Variants in RCAN2 observed in about 807,000 individuals in gnomAD.
RCAN2 encodes regulator of calcineurin 2.
A neutral mutation model predicts 23.6 loss-of-function variants in RCAN2; 9 were observed. The observed-to-expected ratio is 0.38, with a 90% CI of 0.23 to 0.67. RCAN2 has a LOEUF of 0.67. Among genes scored for constraint, RCAN2 ranks in the 30% least tolerant of loss-of-function variants. The pLI, the probability that RCAN2 is intolerant of heterozygous loss-of-function variation, is 0.51. For missense variants in RCAN2, 273 were observed against 302.3 expected, an observed-to-expected ratio of 0.90 and a Z score of 0.72; for synonymous variants, 109 against 115.7, an observed-to-expected ratio of 0.94 and a Z score of 0.37.
At chr6:46,323,603 A>G (rs9472739) in intron 2 of RCAN2, among the ~76,000 whole-genome samples, 5,718 of 152,262 alleles carry the variant, frequency 0.038, 354 homozygotes, top group African/African-American at 0.13. Flanking sequence ...GAATTGACTC[A>G]CTAGACTGCA....
intron 2 of RCAN2, among the ~76,000 whole-genome samples, chr6:46,332,462 C>T (rs571252881): frequency 1.7e-5 from 2 of 119,556 alleles, no homozygotes; most frequent in Admixed American, 1.8e-4. Context: ...CTCCCCCCTC[C>T]CCCCACCCCA....
intron 1 of RCAN2, 123 bp downstream of exon 1, chr6:46,491,050 A>G (rs1769129187): frequency 6.9e-6 from 1 of 144,988 alleles, no homozygotes; most frequent in African/African-American, 2.6e-5. Context: ...CCCGCCCTGC[A>G]CCCAGACCCG....
At chr6:46,400,381 AG>A (rs1766214552) in intron 2 of RCAN2, among the ~76,000 whole-genome samples, 1 of 152,192 alleles carries the variant, frequency 6.6e-6, no homozygotes, top group Admixed American at 6.5e-5. Flanking sequence ...TTAGAAGCGA[AG>A]GCAGACCAGC....
chr6:46,287,915 G>A (rs977913458), intron 2 of RCAN2, among the ~76,000 whole-genome samples: 1 of 152,202 alleles, frequency 6.6e-6, no homozygotes. Flanking sequence ...AATTTGAAAA[G>A]TTACTCATAT....
intron 2 of RCAN2, among the ~76,000 whole-genome samples, chr6:46,267,439 G>A (rs1767373574): frequency 6.6e-6 from 1 of 152,174 alleles, no homozygotes; most frequent in South Asian, 2.1e-4. Flanking sequence ...CCAGCACTCT[G>A]GGAGGCCAAG....
In RCAN2 at chr6:46,456,796, CA is replaced by C; in HGVS notation, c.180del (p.Phe60LeufsTer30). 1 of 1,550,858 alleles carries C rather than the reference CA, an allele frequency of 6.4e-7. No homozygotes were observed. Among genetic ancestry groups the C allele is most frequent in the Non-Finnish European group, 8.7e-7 (1 of 1,147,050 alleles). ...TDFNDLPNSLFACNVHQSVFE... is the reference protein window; with the variant it reads ...TDFNDLPNSLXACNVHQSVFE... ...AACACTGACTGGTGAACATTGCACG[CA>C]AACAACGAGTTGGGGAGGTCATTGA... On this transcript the variant is annotated frameshift_variant, in exon 2 of 5. Transcript: ENST00000371374. LOFTEE classifies it high-confidence loss of function.
intron 2 of RCAN2, among the ~76,000 whole-genome samples, chr6:46,276,889 GC>G (rs780020035): frequency 2.5e-4 from 38 of 152,196 alleles, no homozygotes; most frequent in Non-Finnish European, 4.6e-4. Flanking sequence ...GCTAGACAGG[GC>G]TAGAGGTGAG....
intron 1 of RCAN2, among the ~76,000 whole-genome samples, chr6:46,473,134 G>T (rs1489255788): frequency 6.6e-6 from 1 of 152,166 alleles, no homozygotes; most frequent in Non-Finnish European, 1.5e-5. Context: ...ATGTCTGTCT[G>T]TTTCTATAAA....
intron 2 of RCAN2, among the ~76,000 whole-genome samples, chr6:46,257,328 G>A (rs565056154): frequency 1.3e-5 from 2 of 152,218 alleles, no homozygotes; most frequent in African/African-American, 4.8e-5. Context: ...TCCTCAATAA[G>A]TCCTTTGAGC....
At chr6:46,389,402 G>C (rs1383730675) in intron 2 of RCAN2, among the ~76,000 whole-genome samples, 1 of 152,102 alleles carries the variant, frequency 6.6e-6, no homozygotes, top group Non-Finnish European at 1.5e-5. Context: ...CTCAGCTCAG[G>C]AATCATCTCC....
chr6:46,406,617 A>G (rs1458549494), intron 2 of RCAN2, among the ~76,000 whole-genome samples: 1 of 152,206 alleles, frequency 6.6e-6, no homozygotes, highest in East Asian at 1.9e-4. Flanking sequence ...CTTTTTTCTT[A>G]ATGCTTACAA....
Position 46,452,903 on chromosome 6 carries a change from G to A in RCAN2, c.225+3849C>T, listed in dbSNP as rs559974627. ...TATACCTATGTAACAAAACCTGCACGTTCTGCACATGTATCCCATAACTTA... is the reference window on the plus strand; with the variant it reads ...TATACCTATGTAACAAAACCTGCACATTCTGCACATGTATCCCATAACTTA... On this transcript the variant is annotated intron_variant, in intron 2 of 4. Transcript: ENST00000371374. Among the ~76,000 whole-genome samples, 13 of 152,228 alleles carry A rather than the reference G, an allele frequency of 8.5e-5. No individual in the cohort carries two copies. The South Asian group carries it at 1.7e-3, about 19-fold the overall frequency.
At chr6:46,231,675 G>A (rs1387799187) in intron 4 of RCAN2, among the ~76,000 whole-genome samples, 1 of 152,154 alleles carries the variant, frequency 6.6e-6, no homozygotes, top group Admixed American at 6.5e-5. Context: ...CTCCCAAAGT[G>A]CTGGGATTAC....
At chr6:46,233,125 G>A (rs557423643) in intron 4 of RCAN2, among the ~76,000 whole-genome samples, 7 of 151,170 alleles carry the variant, frequency 4.6e-5, no homozygotes, top group African/African-American at 9.9e-5. Context: ...CTTCTCTGGC[G>A]CTCCCAGCCA....
chr6:46,324,858 T>C (rs963555115), intron 2 of RCAN2, among the ~76,000 whole-genome samples: 3 of 152,246 alleles, frequency 2.0e-5, no homozygotes, highest in Non-Finnish European at 4.4e-5. Context: ...AAAGAAAATT[T>C]AGGCAGCTGT....
chr6:46,456,867 A>G lies in RCAN2; in HGVS notation c.110T>C (p.Val37Ala). The change falls in exon 2 of 5, where the codon GTC becomes GCC. Residue 37 changes from valine to alanine, a missense_variant. Val to Ala is a moderately conservative substitution (Grantham distance 64). Transcript: ENST00000371374. ...GGCTTCTTCTGCAAAACAACGAGTG[A>G]CAGCCCAGTCCCTGTCTATGCAGCA... ...LLCCIDRDWA[V>A]TRCFAEEAFQ... 1.3e-6 allele frequency: 2 copies of G among 1,550,692 alleles called. No individual in the cohort carries two copies. Among genetic ancestry groups the G allele is most frequent in the Non-Finnish European group, 8.7e-7 (1 of 1,146,996 alleles).
intron 2 of RCAN2, among the ~76,000 whole-genome samples, chr6:46,374,571 T>C (rs1765409865): frequency 6.6e-6 from 1 of 152,204 alleles, no homozygotes; most frequent in Admixed American, 6.5e-5. Flanking sequence ...TTTGTAGCCC[T>C]ATGGATCTAA....
rs112616060 is a variant in RCAN2, at chr6:46,462,932, G to T, written c.-2-5954C>A. Among the ~76,000 whole-genome samples the T allele has an allele frequency of 9.8e-4, 150 of 152,342 alleles. 2 individuals are homozygous for T. The highest frequency in any genetic ancestry group is 3.4e-3 in the Middle Eastern group (1 of 294). On this transcript the variant is annotated intron_variant, in intron 1 of 4. Coordinates refer to ENST00000371374, the MANE Select transcript of RCAN2 (RefSeq NM_001251974.2). ...ATTTGCCCATAGGAATTCTGGTCTAGAAAGCCTTTAAATATAAAAGGAGAG... is the reference window on the plus strand; with the variant it reads ...ATTTGCCCATAGGAATTCTGGTCTATAAAGCCTTTAAATATAAAAGGAGAG...
chr6:46,339,245 T>C (rs910707651), intron 2 of RCAN2, among the ~76,000 whole-genome samples: 2 of 152,212 alleles, frequency 1.3e-5, no homozygotes, highest in Admixed American at 6.5e-5. Context: ...TGTGGTATTA[T>C]GTAATATACT....
Sources: gnomAD v4.1 joint callset for allele counts (sites outside exome capture counted in the v4.1 genomes callset) on GRCh38, gnomAD v4.1.1 for gene constraint, MANE v1.5 for transcripts, NCBI Gene and HGNC (gene_info 2026-07-23, HGNC 2026-07-21) for gene names.